GALNT18: variants seen among roughly 807,000 people sequenced by gnomAD.
The protein encoded by GALNT18 is polypeptide N-acetylgalactosaminyltransferase 18.
A neutral mutation model predicts 69.5 loss-of-function variants in GALNT18; 44 were observed. That is an observed-to-expected ratio of 0.63 (90% CI 0.50 to 0.81). The LOEUF is 0.81. GALNT18 is among the 40% of genes least tolerant of loss of function. The pLI is 0.00. For synonymous variants in GALNT18, 364 were observed against 318.2 expected, an observed-to-expected ratio of 1.14 and a Z score of -1.53; for missense variants, 715 against 810.0, an observed-to-expected ratio of 0.88 and a Z score of 1.42.
At chr11:11,529,319 G>GA (rs1857588387) in intron 1 of GALNT18, among the ~76,000 whole-genome samples, 1 of 152,168 alleles carries the variant, frequency 6.6e-6, no homozygotes, top group African/African-American at 2.4e-5. Flanking sequence ...CCAATCTGTT[G>GA]AAGACCTACC....
At chr11:11,361,004 TTC>T (rs1366118827) in intron 6 of GALNT18, among the ~76,000 whole-genome samples, 1 of 152,172 alleles carries the variant, frequency 6.6e-6, no homozygotes, top group Non-Finnish European at 1.5e-5. Flanking sequence ...GGGTCAAACA[TTC>T]TGTTTAAGCT....
At chr11:11,478,989 GC>G (rs1352187485) in intron 1 of GALNT18, among the ~76,000 whole-genome samples, 1 of 152,200 alleles carries the variant, frequency 6.6e-6, no homozygotes, top group African/African-American at 2.4e-5. Flanking sequence ...AGAAAGGACT[GC>G]CCTGGTTCCA....
At chr11:11,334,249 A>T (rs1223018630) in intron 7 of GALNT18, among the ~76,000 whole-genome samples, 1 of 152,188 alleles carries the variant, frequency 6.6e-6, no homozygotes, top group African/African-American at 2.4e-5. Flanking sequence ...TTGAGTGAAA[A>T]CACAATTTAG....
In GALNT18 at chr11:11,584,935, T is replaced by C. The variant is rs1859176087; in HGVS notation, c.235+36424A>G. 6.6e-6 allele frequency among the ~76,000 whole-genome samples: 1 copy of C among 152,238 alleles called. No individual in the cohort carries two copies. Among genetic ancestry groups the C allele is most frequent in the African/African-American group, 2.4e-5 (1 of 41,458 alleles). ...AAAATCCAAGCTTTTAAGGAAAATT[T>C]ATAATTATGGAAAACTTGCCTCCAC... On this transcript the variant is annotated intron_variant, in intron 1 of 10. Coordinates refer to ENST00000227756, the MANE Select transcript of GALNT18 (RefSeq NM_198516.3). The surrounding 1 kb of genome is among the most constrained non-coding windows in gnomAD (Gnocchi z 4.1).
chr11:11,512,959 C>T (rs576864782), intron 1 of GALNT18, among the ~76,000 whole-genome samples: 3 of 152,286 alleles, frequency 2.0e-5, no homozygotes, highest in Non-Finnish European at 4.4e-5. Flanking sequence ...CATCTGTGTA[C>T]TTACACATAC....
At position 11,332,980 on chromosome 11, in the gene GALNT18, C is replaced by T. The variant is rs986586353; in HGVS notation, c.1279-149G>A. 24 of 785,598 alleles carry T rather than the reference C, an allele frequency of 3.1e-5. No individual in the cohort carries two copies. Among genetic ancestry groups the T allele is most frequent in the Admixed American group, 1.4e-4 (6 of 43,432 alleles). The allele number at this position is 785,598 out of a possible 1,614,324, so 48.7% of individuals were successfully genotyped here. A position where few individuals can be genotyped will look rare whatever the true frequency, so the allele number is the denominator to read the frequency against. On this transcript the variant is annotated intron_variant, in intron 7 of 10. Transcript: ENST00000227756. The surrounding 1 kb of genome is among the most constrained non-coding windows in gnomAD (Gnocchi z 4.3). ...GCACGTTAACTCTTGCATTTTCCCACGGGTACCTTAACCCCGTAACCATCC... is the reference window on the plus strand; with the variant it reads ...GCACGTTAACTCTTGCATTTTCCCATGGGTACCTTAACCCCGTAACCATCC...
At chr11:11,514,674 A>G (rs1313253673) in intron 1 of GALNT18, among the ~76,000 whole-genome samples, 1 of 152,216 alleles carries the variant, frequency 6.6e-6, no homozygotes, top group Non-Finnish European at 1.5e-5. Context: ...TTGGCCTGCC[A>G]GCTGACCTGT....
intron 8 of GALNT18, among the ~76,000 whole-genome samples, chr11:11,328,004 C>T (rs1419437927): frequency 6.6e-6 from 1 of 152,124 alleles, no homozygotes; most frequent in Admixed American, 6.5e-5. Flanking sequence ...GTCTTAGGAA[C>T]CTAAACAGAA....
chr11:11,360,025 A>G (rs752153430), intron 6 of GALNT18, among the ~76,000 whole-genome samples: 2 of 152,226 alleles, frequency 1.3e-5, no homozygotes, highest in Non-Finnish European at 2.9e-5. Flanking sequence ...TTTGGATGAA[A>G]TTCTTGGCCT....
chr11:11,451,171 T>C (rs1224849665), intron 1 of GALNT18, among the ~76,000 whole-genome samples: 3 of 152,138 alleles, frequency 2.0e-5, no homozygotes, highest in African/African-American at 2.4e-5. Flanking sequence ...CTCATTCTTC[T>C]CCCCTACTAG....
chr11:11,437,122 T>A (rs1327124597), intron 2 of GALNT18, among the ~76,000 whole-genome samples: 2 of 152,074 alleles, frequency 1.3e-5, no homozygotes, highest in African/African-American at 4.8e-5. Flanking sequence ...TGCTCACCTC[T>A]GCAGAGAAGG....
chr11:11,590,119 C>T lies in GALNT18; in HGVS notation c.235+31240G>A, dbSNP rs1018896973. Among the ~76,000 whole-genome samples the T allele has an allele frequency of 7.9e-5, 12 of 152,234 alleles. No individual in the cohort carries two copies. The highest frequency in any genetic ancestry group is 2.1e-4 in the South Asian group (1 of 4,830). On this transcript the variant is annotated intron_variant, in intron 1 of 10. Coordinates refer to ENST00000227756, the MANE Select transcript of GALNT18 (RefSeq NM_198516.3). The surrounding 1 kb of genome is among the most constrained non-coding windows in gnomAD (Gnocchi z 4.4). ...GACACTGCTGTGTGTTCACTAAAAC[C>T]ACCTTCCTTTCTTCCAGGGAAACCA...
At chr11:11,361,852 C>T (rs1173962421) in intron 6 of GALNT18, among the ~76,000 whole-genome samples, 3 of 152,126 alleles carry the variant, frequency 2.0e-5, no homozygotes, top group Non-Finnish European at 4.4e-5. Flanking sequence ...TTGTGTCTTG[C>T]CTAGATCTTC....
intron 1 of GALNT18, among the ~76,000 whole-genome samples, chr11:11,495,750 T>C (rs537175189): frequency 1.3e-5 from 2 of 152,218 alleles, no homozygotes; most frequent in Non-Finnish European, 2.9e-5. Context: ...GAATCCTGAG[T>C]TGGGGCAATC....
chr11:11,617,473 TG>T lies in GALNT18; in HGVS notation c.235+3885del, dbSNP rs372812432. Among the ~76,000 whole-genome samples, 254 of 152,240 alleles carry T rather than the reference TG, an allele frequency of 1.7e-3. No individual in the cohort carries two copies. Among genetic ancestry groups the T allele is most frequent in the African/African-American group, 6.1e-3 (254 of 41,548 alleles). ...AAACCAATAAACTATGTAGCAAATA[TG>T]GAAAAAATAGTGCTTCGTTAACAAA... On this transcript the variant is annotated intron_variant, in intron 1 of 10. Transcript: ENST00000227756. The surrounding 1 kb of genome is among the most constrained non-coding windows in gnomAD (Gnocchi z 4.7).
chr11:11,322,565 G>T (rs1377195517), intron 9 of GALNT18, among the ~76,000 whole-genome samples: 1 of 152,178 alleles, frequency 6.6e-6, no homozygotes, highest in Non-Finnish European at 1.5e-5. Context: ...TTAATAATCA[G>T]AGAACTGCAA....
chr11:11,406,611 C>G (rs1008474067), intron 3 of GALNT18, among the ~76,000 whole-genome samples: 1 of 152,182 alleles, frequency 6.6e-6, no homozygotes, highest in African/African-American at 2.4e-5. Flanking sequence ...ACAATAAAGG[C>G]AAAGTTGAAC....
chr11:11,516,292 C>T (rs892436430), intron 1 of GALNT18, among the ~76,000 whole-genome samples: 14 of 152,188 alleles, frequency 9.2e-5, no homozygotes, highest in Non-Finnish European at 2.1e-4. Flanking sequence ...AATGTTGGAG[C>T]AAAGAAGGCC....
chr11:11,533,349 C>G (rs1158261422), intron 1 of GALNT18, among the ~76,000 whole-genome samples: 2 of 152,188 alleles, frequency 1.3e-5, no homozygotes, highest in Admixed American at 1.3e-4. Flanking sequence ...AATGAGGAAG[C>G]CAGGATCCAA....
Sources: allele counts gnomAD v4.1 joint callset (sites outside exome capture counted in the v4.1 genomes callset), GRCh38; gene constraint gnomAD v4.1.1; non-coding constraint Gnocchi (gnomAD v3.1); transcripts MANE v1.5; gene names NCBI Gene and HGNC (gene_info 2026-07-23, HGNC 2026-07-21).